The following CTNNA3 variants were observed in gnomAD, a reference collection of about 807,000 sequenced individuals.
CTNNA3 encodes the protein catenin alpha-3.
A neutral mutation model predicts 95.7 loss-of-function variants in CTNNA3; 76 were observed. The observed-to-expected ratio is 0.79, with a 90% CI of 0.66 to 0.96. The LOEUF (loss-of-function observed/expected upper bound fraction) is 0.96, where lower values mean the gene tolerates loss of function less well. Among genes scored for constraint, CTNNA3 ranks in the 40% least tolerant of loss-of-function variants. The probability of loss-of-function intolerance (pLI) is 0.00; values close to 1 mark genes in which losing one functional copy is unlikely to be tolerated. For missense variants in CTNNA3, 1,191 were observed against 1,089.8 expected, an observed-to-expected ratio of 1.09 and a Z score of -1.31; for synonymous variants, 431 against 374.4, an observed-to-expected ratio of 1.15 and a Z score of -1.74.
chr10:66,574,751 T>TAC (rs1842959556), intron 10 of CTNNA3, among the ~76,000 whole-genome samples: 2 of 152,182 alleles, frequency 1.3e-5, no homozygotes, highest in Admixed American at 1.3e-4. Context: ...ACAGTTTTTT[T>TAC]ACTACAGTTT....
intron 13 of CTNNA3, among the ~76,000 whole-genome samples, chr10:66,240,582 T>A (rs2090059830): frequency 6.6e-6 from 1 of 152,042 alleles, no homozygotes; most frequent in Non-Finnish European, 1.5e-5. Flanking sequence ...GTTAACCTTT[T>A]TTCTAACAAA....
At chr10:66,699,413 T>C (rs1039139171) in intron 9 of CTNNA3, among the ~76,000 whole-genome samples, 1 of 152,142 alleles carries the variant, frequency 6.6e-6, no homozygotes, top group Non-Finnish European at 1.5e-5. Flanking sequence ...TCTTTTTTTT[T>C]AAATAACAGC....
intron 10 of CTNNA3, among the ~76,000 whole-genome samples, chr10:66,585,545 T>A (rs957954117): frequency 6.6e-6 from 1 of 151,956 alleles, no homozygotes; most frequent in Non-Finnish European, 1.5e-5. Flanking sequence ...GAAGTTCTGA[T>A]TGGCTTTCCT....
chr10:67,296,078 T>A (rs1425539702), intron 5 of CTNNA3, among the ~76,000 whole-genome samples: 2 of 152,114 alleles, frequency 1.3e-5, no homozygotes, highest in Non-Finnish European at 2.9e-5. Flanking sequence ...CTGACAAAGG[T>A]GAAGTGTGAG....
chr10:66,235,418 CA>C (rs2089800293), intron 13 of CTNNA3, among the ~76,000 whole-genome samples: 1 of 147,134 alleles, frequency 6.8e-6, no homozygotes, highest in African/African-American at 2.5e-5. Flanking sequence ...GATATAATAC[CA>C]ACTTATGGAT....
chr10:66,334,343 C>T (rs1369785486), intron 12 of CTNNA3, among the ~76,000 whole-genome samples: 1 of 151,896 alleles, frequency 6.6e-6, no homozygotes, highest in South Asian at 2.1e-4. Flanking sequence ...TACAATTTGG[C>T]ATGTTTTTGC....
chr10:66,236,257 C>A lies in CTNNA3; in HGVS notation c.1884+44213G>T, dbSNP rs564413633. ...GTATCTCTTCTTTATTTACTTTTAT[C>A]TTGTTTCCTAGATCAGTTGTCTTAC... On this transcript the variant is annotated intron_variant, in intron 13 of 17. Transcript: ENST00000433211. Among the ~76,000 whole-genome samples the A allele has an allele frequency of 2.0e-5, 3 of 152,232 alleles. No homozygotes were observed. The South Asian group carries it at 6.2e-4, about 32-fold the overall frequency.
chr10:67,737,128 T>G (rs865831372), intron 1 of CTNNA3, among the ~76,000 whole-genome samples: 1 of 152,082 alleles, frequency 6.6e-6, no homozygotes, highest in South Asian at 2.1e-4. Flanking sequence ...CACACCGGGC[T>G]AATTTCAAGT....
chr10:67,754,395 C>A (rs1841422771), intron 1 of CTNNA3, among the ~76,000 whole-genome samples: 2 of 152,042 alleles, frequency 1.3e-5, no homozygotes, highest in South Asian at 4.2e-4. Flanking sequence ...TACAGCAAAC[C>A]ACCATGGCAC....
At chr10:67,365,940 G>A (rs555786852) in intron 5 of CTNNA3, among the ~76,000 whole-genome samples, 62 of 152,208 alleles carry the variant, frequency 4.1e-4, no homozygotes, top group African/African-American at 1.4e-3. Flanking sequence ...TGTTTATTGC[G>A]GCACTATTCA....
intron 2 of CTNNA3, among the ~76,000 whole-genome samples, chr10:67,613,589 T>C (rs1241184537): frequency 1.3e-5 from 2 of 152,178 alleles, no homozygotes; most frequent in African/African-American, 4.8e-5. Context: ...ATCAGTTCAA[T>C]GTAATCTAGG....
rs547170819 is a variant in CTNNA3 at position 67,009,145 on chromosome 10, G to A, written c.1047+171172C>T. The stretch of plus-strand genomic sequence containing the variant: ...ATTTTTAATATTTATTAACCTTACC[G>A]TGATACAGAATGCCATTAAAATCAT... On this transcript the variant is annotated intron_variant, in intron 7 of 17. Coordinates refer to ENST00000433211, the MANE Select transcript of CTNNA3 (RefSeq NM_013266.4). Among the ~76,000 whole-genome samples the A allele has an allele frequency of 1.4e-4, 21 of 152,058 alleles. 1 individual carries two copies. The East Asian group carries it at 3.5e-3, about 25-fold the overall frequency.
intron 10 of CTNNA3, among the ~76,000 whole-genome samples, chr10:66,601,193 C>A (rs780084137): frequency 6.6e-6 from 1 of 151,790 alleles, no homozygotes; most frequent in Admixed American, 6.6e-5. Context: ...AACGCACAAC[C>A]ATAGCATGCC....
At chr10:67,038,940 A>G (rs2133137588) in intron 7 of CTNNA3, among the ~76,000 whole-genome samples, 1 of 152,228 alleles carries the variant, frequency 6.6e-6, no homozygotes, top group South Asian at 2.1e-4. Context: ...CATATGTAAA[A>G]AATAGTCTTT....
At chr10:67,347,665 G>A (rs958024328) in intron 5 of CTNNA3, among the ~76,000 whole-genome samples, 2 of 151,916 alleles carry the variant, frequency 1.3e-5, no homozygotes, top group African/African-American at 2.4e-5. Flanking sequence ...TTAACATGTT[G>A]CTCTTATCAA....
intron 2 of CTNNA3, among the ~76,000 whole-genome samples, chr10:67,625,630 T>A (rs965903727): frequency 6.6e-6 from 1 of 152,220 alleles, no homozygotes; most frequent in African/African-American, 2.4e-5. Flanking sequence ...TTTTTAAAAA[T>A]ATTAAAGGAA....
chr10:66,701,016 C>T (rs12249685), intron 9 of CTNNA3, among the ~76,000 whole-genome samples: 26,202 of 151,990 alleles, frequency 0.17, 2,799 homozygotes, highest in East Asian at 0.34. Context: ...ATAAACATCC[C>T]ACATTTCAAG....
At chr10:66,683,342 C>T (rs2132507878) in intron 9 of CTNNA3, among the ~76,000 whole-genome samples, 1 of 152,230 alleles carries the variant, frequency 6.6e-6, no homozygotes, top group Middle Eastern at 3.4e-3. Flanking sequence ...AGAAAGTAGA[C>T]TAGCAGAAAG....
intron 7 of CTNNA3, among the ~76,000 whole-genome samples, chr10:66,807,220 CT>C (rs1157100300): frequency 1.3e-5 from 2 of 151,964 alleles, no homozygotes; most frequent in East Asian, 3.9e-4. Flanking sequence ...GGAGCTCCTG[CT>C]TCAAAAAAAG....
Sources: gnomAD v4.1 joint callset for allele counts (sites outside exome capture counted in the v4.1 genomes callset) on GRCh38, gnomAD v4.1.1 for gene constraint, MANE v1.5 for transcripts, NCBI Gene and HGNC (gene_info 2026-07-23, HGNC 2026-07-21) for gene names.